The following OSBPL6 variants were observed in gnomAD, a reference collection of about 807,000 sequenced individuals.
The protein encoded by OSBPL6 is oxysterol binding protein like 6, also known as oxysterol-binding protein-related protein 6.
Under a neutral mutation model 125.8 loss-of-function variants are expected in OSBPL6, and 49 were observed. That is an observed-to-expected ratio of 0.39 (90% CI 0.31 to 0.49). The LOEUF is 0.49. Among genes scored for constraint, OSBPL6 ranks in the 20% least tolerant of loss-of-function variants. OSBPL6 has a pLI of 0.88. For synonymous variants in OSBPL6, 394 were observed against 391.8 expected (o/e 1.01, Z -0.07); for missense variants, 986 against 1,135.4 (o/e 0.87, Z 1.89).
At chr2:178,302,396 C>T (rs1282489054) in intron 2 of OSBPL6, among the ~76,000 whole-genome samples, 2 of 151,960 alleles carry the variant, frequency 1.3e-5, no homozygotes, top group Admixed American at 6.6e-5. Context: ...AATGTTCTTT[C>T]GTAGAGATGA....
chr2:178,256,454 T>A (rs1022655913), intron 1 of OSBPL6, among the ~76,000 whole-genome samples: 1 of 152,186 alleles, frequency 6.6e-6, no homozygotes, highest in African/African-American at 2.4e-5. Flanking sequence ...ATGCTTTTCT[T>A]TAGTAATTTC....
intron 20 of OSBPL6, among the ~76,000 whole-genome samples, chr2:178,387,924 A>G (rs1236503398): frequency 6.6e-6 from 1 of 152,072 alleles, no homozygotes; most frequent in African/African-American, 2.4e-5. Flanking sequence ...GAATTGTTTG[A>G]ACCTGGGAGG....
intron 1 of OSBPL6, among the ~76,000 whole-genome samples, chr2:178,197,524 T>C (rs1156719625): frequency 6.6e-6 from 1 of 152,202 alleles, no homozygotes; most frequent in Non-Finnish European, 1.5e-5. Flanking sequence ...AAACCTCCGA[T>C]GGTGCCAAAC....
intron 2 of OSBPL6, among the ~76,000 whole-genome samples, chr2:178,299,895 C>T (rs16866229): frequency 6.6e-6 from 1 of 152,076 alleles, no homozygotes; most frequent in South Asian, 2.1e-4. Context: ...AGTAAGGGGC[C>T]TAAGAAGAGT....
intron 1 of OSBPL6, among the ~76,000 whole-genome samples, chr2:178,261,710 G>A (rs1258776047): frequency 6.6e-6 from 1 of 152,216 alleles, no homozygotes; most frequent in African/African-American, 2.4e-5. Context: ...GATGCAAAGT[G>A]TCTTATGTGA....
intron 4 of OSBPL6, among the ~76,000 whole-genome samples, chr2:178,324,782 A>T (rs1559246515): frequency 6.6e-6 from 1 of 152,226 alleles, no homozygotes; most frequent in Non-Finnish European, 1.5e-5. Flanking sequence ...TGCCCATAGT[A>T]AAAACATAAA....
At chr2:178,235,819 A>G (rs949713777) in intron 1 of OSBPL6, among the ~76,000 whole-genome samples, 4 of 152,214 alleles carry the variant, frequency 2.6e-5, no homozygotes, top group Non-Finnish European at 4.4e-5. Context: ...AAAATTTTCA[A>G]GTATTTTTCA....
intron 2 of OSBPL6, among the ~76,000 whole-genome samples, chr2:178,288,472 TGA>T (rs1365455145): frequency 2.6e-5 from 4 of 152,090 alleles, no homozygotes; most frequent in Non-Finnish European, 5.9e-5. Context: ...TTTAGAAAAA[TGA>T]GTCGCCCAAA....
chr2:178,318,029 T>C (rs974202760), intron 3 of OSBPL6, among the ~76,000 whole-genome samples: 4 of 152,214 alleles, frequency 2.6e-5, no homozygotes, highest in African/African-American at 9.6e-5. Context: ...TTAGTTATGC[T>C]GTTGAGTGTT....
chr2:178,207,799 A>T (rs1274708728), intron 1 of OSBPL6, among the ~76,000 whole-genome samples: 2 of 152,220 alleles, frequency 1.3e-5, no homozygotes, highest in African/African-American at 4.8e-5. Flanking sequence ...TCAAATGTAC[A>T]AGATATTTTT....
intron 1 of OSBPL6, among the ~76,000 whole-genome samples, chr2:178,273,879 G>A (rs750130452): frequency 1.3e-5 from 2 of 151,956 alleles, no homozygotes; most frequent in African/African-American, 2.4e-5. Flanking sequence ...ACATTTCACA[G>A]CTTTTTTCTT....
chr2:178,318,866 C>T (rs1469604197), intron 3 of OSBPL6, among the ~76,000 whole-genome samples: 1 of 152,190 alleles, frequency 6.6e-6, no homozygotes, highest in Non-Finnish European at 1.5e-5. Context: ...CGTAAGATTC[C>T]TAGATATTTA....
Position 178,402,411 on chromosome 2 carries a change from G to A in OSBPL6, c.*6852G>A, listed in dbSNP as rs1696125581. ...TCTTAGGCTTTGTCTATGTCTCTAA[G>A]GGGAGTTTTTCAGTTGACTGATGAG... is the stretch of plus-strand genomic sequence containing the variant. On this transcript the variant is annotated 3_prime_UTR_variant, in exon 25 of 25. Transcript: ENST00000190611. 1 of 152,194 alleles carries A rather than the reference G, an allele frequency of 6.6e-6. No individual in the cohort carries two copies. Among genetic ancestry groups the A allele is most frequent in the Non-Finnish European group, 1.5e-5 (1 of 68,044 alleles). 9.4% of individuals were successfully genotyped at this position (152,194 alleles called of 1,614,324 possible). A position where few individuals can be genotyped will look rare whatever the true frequency, so the allele number is the denominator to read the frequency against.
At chr2:178,279,638 G>A (rs555503909) in intron 1 of OSBPL6, among the ~76,000 whole-genome samples, 52 of 152,302 alleles carry the variant, frequency 3.4e-4, no homozygotes, top group African/African-American at 1.1e-3. Context: ...TGTGCTGTAC[G>A]AAAACGCATG....
intron 2 of OSBPL6, among the ~76,000 whole-genome samples, 179 bp from the exon 3 acceptor site, chr2:178,305,846 CTTTTT>C: frequency 7.1e-6 from 1 of 140,258 alleles, no homozygotes; most frequent in Admixed American, 7.1e-5. Context: ...GTTAACAGTC[CTTTTT>C]TTTTTTTTTT....
intron 8 of OSBPL6, 150 bp downstream of exon 8, chr2:178,333,191 C>A: frequency 2.5e-6 from 2 of 798,870 alleles, no homozygotes; most frequent in Non-Finnish European, 4.0e-6. Context: ...CGAGACCAGC[C>A]TGGGCAACAT....
intron 1 of OSBPL6, among the ~76,000 whole-genome samples, chr2:178,282,540 T>C (rs934638951): frequency 6.6e-6 from 1 of 152,216 alleles, no homozygotes; most frequent in Non-Finnish European, 1.5e-5. Flanking sequence ...CACAGGGGAC[T>C]CTTTAGCTTG....
At chr2:178,206,878 G>T (rs2089560832) in intron 1 of OSBPL6, among the ~76,000 whole-genome samples, 1 of 152,142 alleles carries the variant, frequency 6.6e-6, no homozygotes, top group Non-Finnish European at 1.5e-5. Flanking sequence ...GCCTCCCAAA[G>T]TGCTGGGATT....
Position 178,210,112 on chromosome 2 carries a change from C to T in OSBPL6, c.-351+15438C>T, listed in dbSNP as rs946799846. Reference sequence around the variant, plus strand: ...TTGGCTCACTGCAACCTCTGCCTCCCGGGTTGAAGAGATTCTCCTGCCTCA... The same window carrying T: ...TTGGCTCACTGCAACCTCTGCCTCCTGGGTTGAAGAGATTCTCCTGCCTCA... On this transcript the variant is annotated intron_variant, in intron 1 of 24. Coordinates refer to ENST00000190611, the MANE Select transcript of OSBPL6 (RefSeq NM_032523.4). Among the ~76,000 whole-genome samples the T allele has an allele frequency of 1.1e-4, 16 of 146,814 alleles. No individual in the cohort carries two copies. The South Asian group carries it at 1.6e-3, about 14-fold the overall frequency.
Sources: gnomAD v4.1 joint callset for allele counts (sites outside exome capture counted in the v4.1 genomes callset) on GRCh38, gnomAD v4.1.1 for gene constraint, MANE v1.5 for transcripts, NCBI Gene and HGNC (gene_info 2026-07-23, HGNC 2026-07-21) for gene names.